THRB: variants seen among roughly 807,000 people sequenced by gnomAD.
THRB encodes thyroid hormone receptor beta, also known as nuclear receptor subfamily 1 group A member 2.
Under a neutral mutation model 47.8 loss-of-function variants are expected in THRB, and 12 were observed. The observed-to-expected ratio is 0.25, with a 90% confidence interval of 0.16 to 0.41. The LOEUF is 0.41. THRB is among the 10% of genes least tolerant of loss of function. THRB has a pLI of 1.00. For synonymous variants in THRB, 218 were observed against 212.2 expected (o/e 1.03, Z -0.24); for missense variants, 348 against 589.2 (o/e 0.59, Z 4.24).
At chr3:24,166,013 T>C (rs1279340332) in intron 5 of THRB, among the ~76,000 whole-genome samples, 4 of 152,210 alleles carry the variant, frequency 2.6e-5, no homozygotes, top group Non-Finnish European at 4.4e-5. Flanking sequence ...GAATCTGTTG[T>C]TGAATGTTAC....
At chr3:24,147,067 GA>G (rs1321736964) in intron 6 of THRB, among the ~76,000 whole-genome samples, 1 of 151,978 alleles carries the variant, frequency 6.6e-6, no homozygotes, top group Non-Finnish European at 1.5e-5. Context: ...TTTATTCAAG[GA>G]AAAGAGGCTA....
chr3:24,161,235 C>T (rs2038764831), intron 5 of THRB, among the ~76,000 whole-genome samples: 1 of 152,200 alleles, frequency 6.6e-6, no homozygotes, highest in African/African-American at 2.4e-5. Flanking sequence ...TGTGGCAGTA[C>T]CTAATTTAAA....
chr3:24,184,201 G>A (rs62253674), intron 5 of THRB, among the ~76,000 whole-genome samples: 3,254 of 152,318 alleles, frequency 0.021, 75 homozygotes, highest in African/African-American at 0.055. Flanking sequence ...TGCTTTGGAT[G>A]TACCACAATT....
intron 3 of THRB, among the ~76,000 whole-genome samples, chr3:24,256,698 A>G (rs746362471): frequency 6.6e-6 from 1 of 152,164 alleles, no homozygotes; most frequent in Non-Finnish European, 1.5e-5. Flanking sequence ...AGATGTAGGT[A>G]GGCTCATGTG....
At chr3:24,225,875 C>T (rs563766169) in intron 4 of THRB, among the ~76,000 whole-genome samples, 34 of 152,074 alleles carry the variant, frequency 2.2e-4, no homozygotes, top group African/African-American at 8.2e-4. Flanking sequence ...TGGAAGGAAT[C>T]GCATTTTTCA....
intron 1 of THRB, among the ~76,000 whole-genome samples, chr3:24,487,344 GCACACA>G (rs61358157): frequency 2.7e-4 from 39 of 146,382 alleles, no homozygotes; most frequent in African/African-American, 9.2e-4. Flanking sequence ...AGACACACAA[GCACACA>G]CACACACACA....
intron 5 of THRB, among the ~76,000 whole-genome samples, chr3:24,183,770 A>G (rs1203164748): frequency 1.3e-5 from 2 of 151,674 alleles, no homozygotes; most frequent in Non-Finnish European, 2.9e-5. Flanking sequence ...TCCTCTGTTT[A>G]AAACTAAATG....
At chr3:24,475,407 T>A (rs9310744) in intron 1 of THRB, among the ~76,000 whole-genome samples, 1 of 151,912 alleles carries the variant, frequency 6.6e-6, no homozygotes, top group African/African-American at 2.4e-5. Context: ...TACTTTCTTA[T>A]ACTAATTTTC....
At chr3:24,482,662 T>C (rs1696659706) in intron 1 of THRB, among the ~76,000 whole-genome samples, 1 of 151,918 alleles carries the variant, frequency 6.6e-6, no homozygotes, top group African/African-American at 2.4e-5. Flanking sequence ...GAAGGGGGTT[T>C]CTCTTCCCTG....
At chr3:24,197,739 AG>A (rs1377973745) in intron 4 of THRB, among the ~76,000 whole-genome samples, 8 of 152,248 alleles carry the variant, frequency 5.3e-5, no homozygotes, top group African/African-American at 1.9e-4. Flanking sequence ...GCTCTATGCA[AG>A]GCAGAGTCAG....
intron 9 of THRB, among the ~76,000 whole-genome samples, chr3:24,132,298 T>A (rs2033982640): frequency 6.6e-6 from 1 of 152,160 alleles, no homozygotes; most frequent in African/African-American, 2.4e-5. Context: ...GAGACAAGAA[T>A]CTTACGAAAT....
At chr3:24,410,431 A>G (rs1339235115) in intron 1 of THRB, among the ~76,000 whole-genome samples, 2 of 151,898 alleles carry the variant, frequency 1.3e-5, no homozygotes, top group Non-Finnish European at 2.9e-5. Context: ...ATAGATGCAG[A>G]GAGCCGTATT....
At chr3:24,344,838 G>C (rs1252491424) in intron 1 of THRB, among the ~76,000 whole-genome samples, 1 of 151,880 alleles carries the variant, frequency 6.6e-6, no homozygotes, top group African/African-American at 2.4e-5. Context: ...GTAATAATCT[G>C]CTAAATTGAT....
At chr3:24,363,212 G>T (rs1431750096) in intron 1 of THRB, among the ~76,000 whole-genome samples, 1 of 152,008 alleles carries the variant, frequency 6.6e-6, no homozygotes, top group South Asian at 2.1e-4. Flanking sequence ...ATCTTAAATC[G>T]CCTAAGACAT....
chr3:24,332,832 G>A (rs563709378), intron 2 of THRB, among the ~76,000 whole-genome samples: 14 of 152,234 alleles, frequency 9.2e-5, no homozygotes, highest in South Asian at 8.3e-4. Context: ...CGAGGCGGGC[G>A]GATCACGAGG....
At chr3:24,281,727 A>G (rs1385074851) in intron 3 of THRB, among the ~76,000 whole-genome samples, 3 of 130,960 alleles carry the variant, frequency 2.3e-5, no homozygotes, top group Non-Finnish European at 3.3e-5. Context: ...TCAAAATAAA[A>G]GGATGGAGGA....
At chr3:24,406,859 GC>G (rs971974018) in intron 1 of THRB, among the ~76,000 whole-genome samples, 1 of 151,808 alleles carries the variant, frequency 6.6e-6, no homozygotes, top group Non-Finnish European at 1.5e-5. Context: ...GGTAAGTGGG[GC>G]AACAGTGAAG....
At chr3:24,354,661 C>G (rs1455711736) in intron 1 of THRB, among the ~76,000 whole-genome samples, 2 of 152,106 alleles carry the variant, frequency 1.3e-5, no homozygotes, top group Non-Finnish European at 2.9e-5. Context: ...TGAGTTTCGG[C>G]TCTGTCTGGA....
rs1008788944 is a variant in THRB, at chr3:24,214,575, C to T, written c.22+14363G>A. 3.3e-5 allele frequency among the ~76,000 whole-genome samples: 5 copies of T among 152,206 alleles called. No individual in the cohort carries two copies. The East Asian group carries it at 9.6e-4, about 29-fold the overall frequency. On this transcript the variant is annotated intron_variant, in intron 4 of 10. Transcript: ENST00000646209. ...CAAAAACCCTCACCAGTCTCTGAATCCCAAAGACCAAGGCTGCATCAGTGG... is the reference window on the plus strand; with the variant it reads ...CAAAAACCCTCACCAGTCTCTGAATTCCAAAGACCAAGGCTGCATCAGTGG...
Sources: allele counts gnomAD v4.1 joint callset (sites outside exome capture counted in the v4.1 genomes callset), GRCh38; gene constraint gnomAD v4.1.1; transcripts MANE v1.5; gene names NCBI Gene and HGNC (gene_info 2026-07-23, HGNC 2026-07-21).